RFX2: variants seen among roughly 807,000 people sequenced by gnomAD.
The protein encoded by RFX2 is DNA-binding protein RFX2.
In RFX2, 20 loss-of-function variants were observed where a neutral mutation model predicts 87.8. The ratio of observed to expected loss-of-function variants is 0.23; its 90% CI spans 0.16 to 0.33. RFX2 has a LOEUF of 0.33. Among genes scored for constraint, RFX2 ranks in the 10% least tolerant of loss-of-function variants. The pLI, the probability that RFX2 is intolerant of heterozygous loss-of-function variation, is 1.00. For synonymous variants in RFX2, 397 were observed against 431.3 expected, an observed-to-expected ratio of 0.92 and a Z score of 0.98; for missense variants, 767 against 1,012.3, an observed-to-expected ratio of 0.76 and a Z score of 3.29.
rs2087087851 is a variant in RFX2, at chr19:6,040,164, C to G, written c.338G>C (p.Gly113Ala). ...GGCTGCCACGGTCACCTGGGCACCG[C>G]CTGGGGCCTCGAAGTAAGAAGCCGT... ...SSTASYFEAP[G>A]GAQVTVAASS... The change falls in exon 5 of 18, where the codon GGC becomes GCC. Residue 113 changes from glycine to alanine, a missense_variant. Gly to Ala is a moderately conservative substitution (Grantham distance 60). Around this residue, in one of 2 missense-constraint regions of RFX2, gnomAD observed 621 missense variants for 873.0 expected, o/e 0.71. Transcript: ENST00000303657. This position sits in a 1 kb window ranked among gnomAD's most constrained non-coding sequence, Gnocchi z 6.1. 6.2e-7 allele frequency: 1 copy of G among 1,600,642 alleles called. No individual in the cohort carries two copies. The highest frequency in any genetic ancestry group is 8.5e-7 in the Non-Finnish European group (1 of 1,169,970).
At position 6,017,083 on chromosome 19, in the gene RFX2, G is replaced by A. The variant is rs372971462; in HGVS notation, c.598-812C>T. Among the ~76,000 whole-genome samples the A allele has an allele frequency of 3.3e-5, 5 of 152,258 alleles. No individual in the cohort carries two copies. The highest frequency in any genetic ancestry group is 1.5e-5 in the Non-Finnish European group (1 of 68,022). ...AAAATACACAAATGCTTATATGCAC[G>A]GTTTTGTGTCTAAGTCAAAAGGCAG... On this transcript the variant is annotated intron_variant, in intron 6 of 17. Transcript: ENST00000303657. The surrounding 1 kb of genome is among the most constrained non-coding windows in gnomAD (Gnocchi z 4.1).
At chr19:6,048,321 C>T (rs2087224570) in intron 1 of RFX2, among the ~76,000 whole-genome samples, 1 of 152,228 alleles carries the variant, frequency 6.6e-6, no homozygotes, top group African/African-American at 2.4e-5. Context: ...ATACATCTTT[C>T]AAATAGGTAG....
chr19:5,996,999 C>T, intron 16 of RFX2, 61 bp downstream of exon 16: 1 of 1,544,640 alleles, frequency 6.5e-7, no homozygotes, highest in Non-Finnish European at 8.7e-7. Context: ...GCTCAGAGCA[C>T]ACCGCCCTCT....
In RFX2 at chr19:6,017,663, C is replaced by T. The variant is rs1030718146; in HGVS notation, c.598-1392G>A. Among the ~76,000 whole-genome samples, 3 of 152,152 alleles carry T rather than the reference C, an allele frequency of 2.0e-5. No homozygotes were observed. Among genetic ancestry groups the T allele is most frequent in the Non-Finnish European group, 4.4e-5 (3 of 68,036 alleles). On this transcript the variant is annotated intron_variant, in intron 6 of 17. Coordinates refer to ENST00000303657, the MANE Select transcript of RFX2 (RefSeq NM_000635.4). This position sits in a 1 kb window ranked among gnomAD's most constrained non-coding sequence, Gnocchi z 4.1. Reference sequence around the variant, plus strand: ...GTCAGCTGCTTTGTCTAGGCTGAGCCCCGCTTCCAGAGCTCCGAAGGGCTC... The same window carrying T: ...GTCAGCTGCTTTGTCTAGGCTGAGCTCCGCTTCCAGAGCTCCGAAGGGCTC...
chr19:6,075,764 T>G (rs1489794137), intron 1 of RFX2, among the ~76,000 whole-genome samples: 1 of 152,122 alleles, frequency 6.6e-6, no homozygotes, highest in East Asian at 1.9e-4. Flanking sequence ...CCTAGGCAGC[T>G]AGGTACACAA....
chr19:6,037,037 C>A (rs1424806815), intron 5 of RFX2, among the ~76,000 whole-genome samples: 1 of 152,112 alleles, frequency 6.6e-6, no homozygotes, highest in Admixed American at 6.6e-5. Flanking sequence ...GTAATCCCAG[C>A]ACTTTGGGAG....
intron 1 of RFX2, among the ~76,000 whole-genome samples, chr19:6,092,461 A>G (rs370295523): frequency 6.6e-5 from 10 of 152,302 alleles, no homozygotes; most frequent in East Asian, 5.8e-4. Context: ...CTGGAGAATA[A>G]AGGTAGCAGA....
chr19:5,997,298 C>A lies in RFX2; in HGVS notation c.1860-85G>T. 6.5e-6 allele frequency: 9 copies of A among 1,392,994 alleles called. No individual in the cohort carries two copies. The highest frequency in any genetic ancestry group is 2.3e-4 in the Middle Eastern group (1 of 4,434). 86.3% of individuals were successfully genotyped at this position (1,392,994 alleles called of 1,614,324 possible). A position where few individuals can be genotyped will look rare whatever the true frequency, so the allele number is the denominator to read the frequency against. On this transcript the variant is annotated intron_variant, in intron 15 of 17. Coordinates refer to ENST00000303657, the MANE Select transcript of RFX2 (RefSeq NM_000635.4). The surrounding 1 kb of genome is among the most constrained non-coding windows in gnomAD (Gnocchi z 4.2). ...GCCAGACTTCATGGCAGCAACACAC[C>A]CCCTGCTCTACGTTCCCTGGGGAAC...
At chr19:5,996,669 C>T (rs2086417008) in intron 16 of RFX2, among the ~76,000 whole-genome samples, 1 of 152,226 alleles carries the variant, frequency 6.6e-6, no homozygotes, top group Admixed American at 6.5e-5. Flanking sequence ...CTTGATTGTG[C>T]GCTTTCACGT....
rs1015322483 is a variant in RFX2 at position 6,007,609 on chromosome 19, T to G, written c.1247+81A>C. ...CCCTGATTCTTGGAGAGCTGAGGCT[T>G]TCGTTTGTGGGTTACCTGTGGACGT... On this transcript the variant is annotated intron_variant, in intron 11 of 17. Transcript: ENST00000303657. The surrounding 1 kb of genome is among the most constrained non-coding windows in gnomAD (Gnocchi z 8.2). The G allele has an allele frequency of 1.1e-5, 9 of 796,462 alleles. No individual in the cohort carries two copies. Among genetic ancestry groups the G allele is most frequent in the Admixed American group, 4.3e-5 (2 of 46,524 alleles). The allele number at this position is 796,462 out of a possible 1,614,324, so 49.3% of individuals were successfully genotyped here. A position where few individuals can be genotyped will look rare whatever the true frequency, so the allele number is the denominator to read the frequency against.
In RFX2 at chr19:5,995,739, C is replaced by T. The variant is rs560558106; in HGVS notation, c.2014-96G>A. The T allele has an allele frequency of 8.3e-5, 89 of 1,067,020 alleles. No homozygotes were observed. In the African/African-American group the frequency reaches 9.5e-4, roughly 11 times the overall value. The allele number at this position is 1,067,020 out of a possible 1,614,324, so 66.1% of individuals were successfully genotyped here. A position where few individuals can be genotyped will look rare whatever the true frequency, so the allele number is the denominator to read the frequency against. On this transcript the variant is annotated intron_variant, in intron 16 of 17. Coordinates refer to ENST00000303657, the MANE Select transcript of RFX2 (RefSeq NM_000635.4). ...GCCGGCCCAACCTTGCCTTGAGCCA[C>T]GTCCTCCATTCACAGTGAAGCAGCT... is the stretch of plus-strand genomic sequence containing the variant.
chr19:6,045,525 C>T lies in RFX2; in HGVS notation c.91-1243G>A, dbSNP rs1373943280. ...TGGCAGGGCGACGGCGTCTGATCCT[C>T]ACCTCAGATGGGCTTCCAAGACGCC... On this transcript the variant is annotated intron_variant, in intron 2 of 17. Transcript: ENST00000303657. This position sits in a 1 kb window ranked among gnomAD's most constrained non-coding sequence, Gnocchi z 5.2. Among the ~76,000 whole-genome samples the T allele has an allele frequency of 6.6e-6, 1 of 152,218 alleles. No individual in the cohort carries two copies. Among genetic ancestry groups the T allele is most frequent in the Non-Finnish European group, 1.5e-5 (1 of 68,028 alleles).
rs954184804 is a variant in RFX2, at chr19:6,074,431, A to G, written c.-8-26927T>C. Among the ~76,000 whole-genome samples, 1 of 152,162 alleles carries G rather than the reference A, an allele frequency of 6.6e-6. No homozygotes were observed. Among genetic ancestry groups the G allele is most frequent in the Non-Finnish European group, 1.5e-5 (1 of 68,016 alleles). The stretch of plus-strand genomic sequence containing the variant: ...TCACCCCACACAGTGCCCTGGGTAC[A>G]GGGGCTGGGGCTTGAAGGGTGCCCA... On this transcript the variant is annotated intron_variant, in intron 1 of 17. Transcript: ENST00000303657. The surrounding 1 kb of genome is among the most constrained non-coding windows in gnomAD (Gnocchi z 5.2).
At position 6,047,353 on chromosome 19, in the gene RFX2, A is replaced by C. The variant is rs1326463656; in HGVS notation, c.90+54T>G. 2.9e-6 allele frequency: 4 copies of C among 1,400,356 alleles called. No individual in the cohort carries two copies. The highest frequency in any genetic ancestry group is 3.9e-6 in the Non-Finnish European group (4 of 1,015,424). 86.7% of individuals were successfully genotyped at this position (1,400,356 alleles called of 1,614,324 possible). On this transcript the variant is annotated intron_variant, in intron 2 of 17. Transcript: ENST00000303657. The surrounding 1 kb of genome is among the most constrained non-coding windows in gnomAD (Gnocchi z 4.2). ...AGATCTGAGCAGCTTTCAAACCCAT[A>C]GAGATCGCGTCCACACTGTGGCCAC...
chr19:6,043,915 C>T (rs2087148365), intron 3 of RFX2, among the ~76,000 whole-genome samples: 1 of 152,234 alleles, frequency 6.6e-6, no homozygotes, highest in Non-Finnish European at 1.5e-5. Context: ...ACCTGAGCTC[C>T]ACCCAGCAGG....
chr19:5,995,175 T>C (rs944990680), intron 17 of RFX2, among the ~76,000 whole-genome samples: 3 of 152,174 alleles, frequency 2.0e-5, no homozygotes, highest in Non-Finnish European at 4.4e-5. Flanking sequence ...GCCTCTGCCC[T>C]GTGCCTCCCT....
At chr19:6,080,639 C>A (rs562268699) in intron 1 of RFX2, among the ~76,000 whole-genome samples, 2 of 152,210 alleles carry the variant, frequency 1.3e-5, no homozygotes, top group South Asian at 4.1e-4. Context: ...AAGGGGCCAA[C>A]CTTGGGAGGA....
Position 6,001,691 on chromosome 19 carries a change from A to G in RFX2, c.1859+124T>C, listed in dbSNP as rs1425570036. 4.9e-6 allele frequency: 4 copies of G among 808,118 alleles called. No individual in the cohort carries two copies. The highest frequency in any genetic ancestry group is 1.8e-5 in the African/African-American group (1 of 56,772). 50.1% of individuals were successfully genotyped at this position (808,118 alleles called of 1,614,324 possible). On this transcript the variant is annotated intron_variant, in intron 15 of 17. Transcript: ENST00000303657. This position sits in a 1 kb window ranked among gnomAD's most constrained non-coding sequence, Gnocchi z 5.6. ...GTAGTTGTTTTTTGCGGGTTCAGAC[A>G]CTGCTGCAACTCTGCTGAGCCCTGT...
intron 1 of RFX2, among the ~76,000 whole-genome samples, chr19:6,051,800 C>T (rs1405411553): frequency 6.6e-6 from 1 of 152,152 alleles, no homozygotes; most frequent in Admixed American, 6.5e-5. Flanking sequence ...AGAAACCCTC[C>T]TTAAAAATAA....
Sources: allele counts gnomAD v4.1 joint callset (sites outside exome capture counted in the v4.1 genomes callset), GRCh38; gene constraint gnomAD v4.1.1; regional missense constraint gnomAD v4.1.1; non-coding constraint Gnocchi (gnomAD v3.1); transcripts MANE v1.5; gene names NCBI Gene and HGNC (gene_info 2026-07-23, HGNC 2026-07-21).